The following SEMA3E variants were observed in gnomAD, a reference collection of about 807,000 sequenced individuals.
The protein encoded by SEMA3E is semaphorin 3E.
In SEMA3E, 49 loss-of-function variants were observed where a neutral mutation model predicts 93.6. The observed-to-expected ratio is 0.52, with a 90% confidence interval of 0.42 to 0.66. SEMA3E has a LOEUF of 0.66. Ranked by LOEUF, SEMA3E falls within the 30% of genes least tolerant of loss-of-function variation. The pLI, the probability that SEMA3E is intolerant of heterozygous loss-of-function variation, is 0.00. For synonymous variants in SEMA3E, 363 were observed against 330.7 expected (o/e 1.10, Z -1.06); for missense variants, 906 against 964.8 (o/e 0.94, Z 0.81).
At chr7:83,620,576 A>AATATGG (rs1793532944) in intron 1 of SEMA3E, among the ~76,000 whole-genome samples, 2 of 152,176 alleles carry the variant, frequency 1.3e-5, no homozygotes, top group African/African-American at 4.8e-5. Context: ...ATCCCTGATG[A>AATATGG]ATATGGATAC....
chr7:83,470,115 T>C (rs1489156376), intron 2 of SEMA3E, among the ~76,000 whole-genome samples: 1 of 152,202 alleles, frequency 6.6e-6, no homozygotes, highest in African/African-American at 2.4e-5. Context: ...AAAGTTTTAA[T>C]TGTATTTTAA....
At chr7:83,404,640 A>G (rs1252500725) in intron 9 of SEMA3E, among the ~76,000 whole-genome samples, 1 of 151,998 alleles carries the variant, frequency 6.6e-6, no homozygotes, top group Non-Finnish European at 1.5e-5. Context: ...GCACTTTACT[A>G]TGGGTTAAAA....
rs192522109 is a variant in SEMA3E at position 83,622,167 on chromosome 7, G to A, written c.115+26261C>T. ...AGAAAAAAAAAACACTTAAAAGTGG[G>A]CAAAGGACATGAATAGACACTTCTC... is the stretch of plus-strand genomic sequence containing the variant. On this transcript the variant is annotated intron_variant, in intron 1 of 16. Coordinates refer to ENST00000643230, the MANE Select transcript of SEMA3E (RefSeq NM_012431.3). Among the ~76,000 whole-genome samples the A allele has an allele frequency of 1.4e-4, 22 of 152,016 alleles. No homozygotes were observed. In the East Asian group the frequency reaches 4.1e-3, roughly 28 times the overall value.
At position 83,365,480 on chromosome 7, in the gene SEMA3E, T is replaced by C. The variant is rs567467123; in HGVS notation, c.*2106A>G. 6 of 152,228 alleles carry C rather than the reference T, an allele frequency of 3.9e-5. No homozygotes were observed. The highest frequency in any genetic ancestry group is 8.8e-5 in the Non-Finnish European group (6 of 68,042). The allele number at this position is 152,228 out of a possible 1,614,324, so 9.4% of individuals were successfully genotyped here. A position where few individuals can be genotyped will look rare whatever the true frequency, so the allele number is the denominator to read the frequency against. On this transcript the variant is annotated 3_prime_UTR_variant, in exon 17 of 17. Coordinates refer to ENST00000643230, the MANE Select transcript of SEMA3E (RefSeq NM_012431.3). ...TTTCCTATAATAAATTTTAGCATTTTATGTAAAATGTTTCTTTTCTGGTTA... is the reference window on the plus strand; with the variant it reads ...TTTCCTATAATAAATTTTAGCATTTCATGTAAAATGTTTCTTTTCTGGTTA...
At chr7:83,479,429 A>G (rs1406977513) in intron 2 of SEMA3E, among the ~76,000 whole-genome samples, 1 of 152,082 alleles carries the variant, frequency 6.6e-6, no homozygotes, top group African/African-American at 2.4e-5. Flanking sequence ...TGTTTTATTC[A>G]TTTTTGCTTA....
At chr7:83,474,504 G>A (rs1018213352) in intron 2 of SEMA3E, among the ~76,000 whole-genome samples, 1 of 152,024 alleles carries the variant, frequency 6.6e-6, no homozygotes, top group African/African-American at 2.4e-5. Flanking sequence ...ACACAGTTTT[G>A]GCATATAAAC....
intron 2 of SEMA3E, among the ~76,000 whole-genome samples, chr7:83,487,687 G>GTGTA (rs903946779): frequency 7.1e-5 from 4 of 56,240 alleles, no homozygotes; most frequent in African/African-American, 2.9e-4. Context: ...GAGGTCGTGT[G>GTGTA]TGTGTGTGTG....
chr7:83,385,474 T>C (rs1303613970), intron 15 of SEMA3E, 41 bp from the exon 16 acceptor site: 1 of 1,601,738 alleles, frequency 6.2e-7, no homozygotes, highest in Non-Finnish European at 8.6e-7. Context: ...GACTTAGATT[T>C]TATAGGTAAA....
chr7:83,487,868 A>G (rs376865293), intron 2 of SEMA3E, among the ~76,000 whole-genome samples: 1 of 152,150 alleles, frequency 6.6e-6, no homozygotes, highest in Non-Finnish European at 1.5e-5. Context: ...TTAACCTGTA[A>G]TCATGAAAAT....
intron 1 of SEMA3E, among the ~76,000 whole-genome samples, chr7:83,583,764 C>T (rs901419596): frequency 2.0e-5 from 3 of 152,114 alleles, no homozygotes; most frequent in Non-Finnish European, 2.9e-5. Context: ...TTGAAAATTT[C>T]CCTCATTATT....
At position 83,364,444 on chromosome 7, in the gene SEMA3E, C is replaced by T. The variant is rs1794636541; in HGVS notation, c.*3142G>A. 1 of 152,136 alleles carries T rather than the reference C, an allele frequency of 6.6e-6. No individual in the cohort carries two copies. The highest frequency in any genetic ancestry group is 2.4e-5 in the African/African-American group (1 of 41,440). 9.4% of individuals were successfully genotyped at this position (152,136 alleles called of 1,614,324 possible). A position where few individuals can be genotyped will look rare whatever the true frequency, so the allele number is the denominator to read the frequency against. ...TTACTAAACAGGCAGACTTTCTGTT[C>T]CCTTTTTTCTAGAGCTCTTATTAGT... On this transcript the variant is annotated 3_prime_UTR_variant, in exon 17 of 17. Coordinates refer to ENST00000643230, the MANE Select transcript of SEMA3E (RefSeq NM_012431.3).
intron 13 of SEMA3E, among the ~76,000 whole-genome samples, chr7:83,393,215 T>A (rs1166902229): frequency 6.6e-6 from 1 of 152,110 alleles, no homozygotes; most frequent in African/African-American, 2.4e-5. Context: ...CCCAACACTG[T>A]GGATCTTCCT....
intron 1 of SEMA3E, among the ~76,000 whole-genome samples, chr7:83,504,766 T>C (rs996161088): frequency 6.6e-6 from 1 of 152,100 alleles, no homozygotes; most frequent in South Asian, 2.1e-4. Context: ...ACCACCCATG[T>C]TTTCTCTGGA....
intron 13 of SEMA3E, among the ~76,000 whole-genome samples, chr7:83,393,794 G>A (rs1788065802): frequency 6.6e-6 from 1 of 152,182 alleles, no homozygotes; most frequent in South Asian, 2.1e-4. Flanking sequence ...GAAAGGAGGT[G>A]TGTTTCCTTG....
intron 1 of SEMA3E, among the ~76,000 whole-genome samples, chr7:83,608,901 T>C (rs1793186449): frequency 6.6e-6 from 1 of 152,086 alleles, no homozygotes; most frequent in South Asian, 2.1e-4. Flanking sequence ...AAGTAGACTG[T>C]GGTATAACTT....
intron 4 of SEMA3E, among the ~76,000 whole-genome samples, chr7:83,440,281 A>G (rs1789086085): frequency 6.6e-6 from 1 of 152,110 alleles, no homozygotes; most frequent in African/African-American, 2.4e-5. Flanking sequence ...AGAGGAGAAC[A>G]TAGGAGCCTA....
chr7:83,504,394 T>A (rs1790654329), intron 1 of SEMA3E, among the ~76,000 whole-genome samples: 2 of 152,190 alleles, frequency 1.3e-5, no homozygotes, highest in African/African-American at 4.8e-5. Context: ...TTATTTACCA[T>A]TACTTCATAG....
intron 1 of SEMA3E, among the ~76,000 whole-genome samples, chr7:83,557,345 A>G (rs1791918751): frequency 1.3e-5 from 2 of 151,510 alleles, no homozygotes; most frequent in African/African-American, 4.8e-5. Context: ...TATTATGCTT[A>G]TTAAAAATAA....
chr7:83,454,962 C>G (rs1329652898), intron 4 of SEMA3E, among the ~76,000 whole-genome samples: 1 of 152,156 alleles, frequency 6.6e-6, no homozygotes, highest in Non-Finnish European at 1.5e-5. Context: ...TGTAAAGTAT[C>G]TACATATTTT....
Sources: allele counts gnomAD v4.1 joint callset (sites outside exome capture counted in the v4.1 genomes callset), GRCh38; gene constraint gnomAD v4.1.1; transcripts MANE v1.5; gene names NCBI Gene and HGNC (gene_info 2026-07-23, HGNC 2026-07-21).